GABRA3: variants seen among roughly 807,000 people sequenced by gnomAD.
GABRA3 encodes the protein gamma-aminobutyric acid receptor subunit alpha-3.
In GABRA3, 10 loss-of-function variants were observed where a neutral mutation model predicts 30.1. The ratio of observed to expected loss-of-function variants is 0.33; its 90% CI spans 0.20 to 0.56. The LOEUF (loss-of-function observed/expected upper bound fraction) is 0.56. GABRA3 is among the 20% of genes least tolerant of loss of function. The pLI is 0.89. For missense variants in GABRA3, 233 were observed against 392.0 expected, an observed-to-expected ratio of 0.59 and a Z score of 3.42; for synonymous variants, 151 against 146.8, an observed-to-expected ratio of 1.03 and a Z score of -0.21.
chrX:152,183,529 T>C (rs1937214351), intron 9 of GABRA3, among the ~76,000 whole-genome samples: 1 of 111,316 alleles, frequency 9.0e-6, no homozygotes, highest in African/African-American at 3.3e-5. Flanking sequence ...TCTTTTCTAT[T>C]GATTTTTAAG....
intron 5 of GABRA3, among the ~76,000 whole-genome samples, chrX:152,237,132 T>G (rs1938236954): frequency 9.0e-6 from 1 of 111,669 alleles, no homozygotes; most frequent in South Asian, 3.8e-4. Context: ...GTTTTAGGTC[T>G]AACGTTTAAA....
intron 3 of GABRA3, among the ~76,000 whole-genome samples, chrX:152,317,186 A>G (rs1939891266): frequency 8.9e-6 from 1 of 112,035 alleles, no homozygotes; most frequent in Non-Finnish European, 1.9e-5. Flanking sequence ...CATCAGACAA[A>G]CAAATTTTAA....
At chrX:152,211,770 T>A (rs1310814092) in intron 6 of GABRA3, among the ~76,000 whole-genome samples, 1 of 110,815 alleles carries the variant, frequency 9.0e-6, no homozygotes, top group Non-Finnish European at 1.9e-5. Flanking sequence ...AAACCAGAGG[T>A]GAGCACTATT....
At chrX:152,387,806 C>T (rs1403227774) in intron 1 of GABRA3, among the ~76,000 whole-genome samples, 4 of 111,035 alleles carry the variant, frequency 3.6e-5, no homozygotes, top group African/African-American at 9.8e-5. Flanking sequence ...GAAGATAGGA[C>T]GAGACAAGAA....
At chrX:152,414,523 A>G (rs1046656706) in intron 1 of GABRA3, among the ~76,000 whole-genome samples, 4 of 111,450 alleles carry the variant, frequency 3.6e-5, no homozygotes. Flanking sequence ...ATTCCAAAAC[A>G]TTGACAATAC....
chrX:152,182,503 T>C (rs1402476208), intron 9 of GABRA3, among the ~76,000 whole-genome samples: 1 of 85,415 alleles, frequency 1.2e-5, no homozygotes, highest in Non-Finnish European at 2.2e-5. Context: ...ATATAGTATA[T>C]ATACTCTATA....
At chrX:152,241,115 C>A (rs1258265387) in intron 5 of GABRA3, among the ~76,000 whole-genome samples, 4 of 106,124 alleles carry the variant, frequency 3.8e-5, no homozygotes, top group South Asian at 8.6e-4. Flanking sequence ...TGTTTTTTCC[C>A]CATCTTTGTG....
At chrX:152,258,797 G>C (rs1193207183) in intron 4 of GABRA3, among the ~76,000 whole-genome samples, 1 of 111,472 alleles carries the variant, frequency 9.0e-6, no homozygotes, top group Admixed American at 9.5e-5. Context: ...GTTGTTGAGG[G>C]CACAACAAGA....
At chrX:152,382,513 T>G (rs1929173530) in intron 1 of GABRA3, among the ~76,000 whole-genome samples, 1 of 112,400 alleles carries the variant, frequency 8.9e-6, no homozygotes, top group African/African-American at 3.2e-5. Context: ...TGCAGAGACT[T>G]TTTAATTTGA....
intron 1 of GABRA3, among the ~76,000 whole-genome samples, chrX:152,423,070 A>C (rs116255676): frequency 0.017 from 1,943 of 111,957 alleles, 50 homozygotes; most frequent in African/African-American, 0.059. Flanking sequence ...TATTTTGAAA[A>C]ATGCTATGAG....
intron 9 of GABRA3, among the ~76,000 whole-genome samples, chrX:152,187,899 T>G (rs1468146681): frequency 8.9e-6 from 1 of 112,269 alleles, no homozygotes; most frequent in African/African-American, 3.2e-5. Flanking sequence ...TTGTAATAAA[T>G]GTCTTAATGG....
At chrX:152,241,358 C>T (rs756819802) in intron 5 of GABRA3, among the ~76,000 whole-genome samples, 9 of 94,868 alleles carry the variant, frequency 9.5e-5, no homozygotes, top group Middle Eastern at 5.5e-3. Context: ...GGCAGTCTGC[C>T]GGTTCTCAGA....
At chrX:152,288,099 C>T (rs1297697459) in intron 3 of GABRA3, among the ~76,000 whole-genome samples, 3 of 112,106 alleles carry the variant, frequency 2.7e-5, no homozygotes, top group Admixed American at 9.5e-5. Context: ...ATTGTTACTG[C>T]ATCCTGGTAT....
At chrX:152,315,753 T>C (rs964547267) in intron 3 of GABRA3, among the ~76,000 whole-genome samples, 6 of 110,256 alleles carry the variant, frequency 5.4e-5, no homozygotes, top group Admixed American at 9.7e-5. Context: ...ACAACCTGCA[T>C]GATACAGCAG....
intron 4 of GABRA3, among the ~76,000 whole-genome samples, chrX:152,268,712 T>G (rs1287779548): frequency 9.0e-6 from 1 of 111,134 alleles, no homozygotes; most frequent in Non-Finnish European, 1.9e-5. Flanking sequence ...AGACTATAAG[T>G]GCATGTCACC....
At chrX:152,301,649 T>G (rs996967401) in intron 3 of GABRA3, among the ~76,000 whole-genome samples, 8 of 110,875 alleles carry the variant, frequency 7.2e-5, no homozygotes, top group African/African-American at 2.6e-4. Context: ...TTCTCCTGCC[T>G]CAGCCTCCTG....
chrX:152,416,506 T>G (rs1289612797), intron 1 of GABRA3, among the ~76,000 whole-genome samples: 15 of 109,034 alleles, frequency 1.4e-4, no homozygotes, highest in Non-Finnish European at 1.7e-4. Context: ...TTTCTTCACA[T>G]AATTGGAAAA....
intron 3 of GABRA3, among the ~76,000 whole-genome samples, chrX:152,328,472 C>A (rs757987431): frequency 1.1e-4 from 12 of 111,888 alleles, no homozygotes; most frequent in African/African-American, 3.2e-4. Context: ...CAAACCGAAT[C>A]CAGCAGCACA....
At chrX:152,173,795 A>ATAT (rs911355165) in intron 9 of GABRA3, among the ~76,000 whole-genome samples, 5 of 109,700 alleles carry the variant, frequency 4.6e-5, no homozygotes, top group African/African-American at 1.3e-4. Context: ...TTATTTATTT[A>ATAT]TATTATTATT....
Sources: allele counts gnomAD v4.1 joint callset (sites outside exome capture counted in the v4.1 genomes callset), GRCh38; gene constraint gnomAD v4.1.1; transcripts MANE v1.5; gene names NCBI Gene and HGNC (gene_info 2026-07-23, HGNC 2026-07-21).